Variants in AGBL4 observed in about 807,000 individuals in gnomAD.
The protein encoded by AGBL4 is cytosolic carboxypeptidase 6.
AGBL4 carries 58 observed loss-of-function variants against 66.4 expected under a neutral mutation model. The observed-to-expected ratio is 0.87, with a 90% CI of 0.71 to 1.09. The LOEUF is 1.09. Ranked by LOEUF, AGBL4 falls within the 50% of genes least tolerant of loss-of-function variation. The pLI, the probability that AGBL4 is intolerant of heterozygous loss-of-function variation, is 0.00. For synonymous variants in AGBL4, 234 were observed against 222.9 expected, an observed-to-expected ratio of 1.05 and a Z score of -0.44; for missense variants, 579 against 631.0, an observed-to-expected ratio of 0.92 and a Z score of 0.88.
chr1:49,779,403 C>T (rs1571548828), intron 2 of AGBL4, among the ~76,000 whole-genome samples: 1 of 152,070 alleles, frequency 6.6e-6, no homozygotes, highest in Non-Finnish European at 1.5e-5. Flanking sequence ...AGAACACCAA[C>T]GGTAAGGTGG....
At chr1:49,917,153 G>A (rs1287558805) in intron 1 of AGBL4, among the ~76,000 whole-genome samples, 1 of 152,108 alleles carries the variant, frequency 6.6e-6, no homozygotes, top group Non-Finnish European at 1.5e-5. Context: ...AAACACCATT[G>A]ATGCTAGGAA....
chr1:49,941,274 CCTT>C (rs1218414491), intron 1 of AGBL4, among the ~76,000 whole-genome samples: 1 of 152,158 alleles, frequency 6.6e-6, no homozygotes, highest in African/African-American at 2.4e-5. Flanking sequence ...TAATGCTAAT[CCTT>C]CTCAGTCTTC....
chr1:49,491,187 T>G (rs1208060809), intron 3 of AGBL4, among the ~76,000 whole-genome samples: 2 of 151,798 alleles, frequency 1.3e-5, no homozygotes, highest in African/African-American at 4.8e-5. Context: ...ATTTACTCTG[T>G]TTTACAATCC....
intron 2 of AGBL4, among the ~76,000 whole-genome samples, chr1:49,762,383 T>G (rs1652391532): frequency 6.6e-6 from 1 of 152,006 alleles, no homozygotes; most frequent in Non-Finnish European, 1.5e-5. Flanking sequence ...TTTAGAGAAA[T>G]GTCTATTAAG....
chr1:49,557,841 A>C (rs992797221), intron 3 of AGBL4, among the ~76,000 whole-genome samples: 1 of 151,784 alleles, frequency 6.6e-6, no homozygotes, highest in African/African-American at 2.4e-5. Context: ...CCCTAACCCA[A>C]GGCTGCCGAG....
chr1:49,902,412 T>C (rs962893411), intron 1 of AGBL4, among the ~76,000 whole-genome samples: 1 of 152,172 alleles, frequency 6.6e-6, no homozygotes, highest in African/African-American at 2.4e-5. Flanking sequence ...ACATGCAGCC[T>C]ACAAGCATAT....
Position 49,711,900 on chromosome 1 carries a change from C to A in AGBL4, c.158-14463G>T, listed in dbSNP as rs188863233. Among the ~76,000 whole-genome samples the A allele has an allele frequency of 3.3e-5, 5 of 152,068 alleles. No individual in the cohort carries two copies. In the East Asian group the frequency reaches 9.7e-4, roughly 29 times the overall value. ...TACATACAGGGACTGTAAAGCCAGA[C>A]AACATGAGCTGTAAATCTGTCTCTA... On this transcript the variant is annotated intron_variant, in intron 2 of 13. Transcript: ENST00000371839.
At chr1:49,027,917 C>T (rs1663858633) in intron 5 of AGBL4, among the ~76,000 whole-genome samples, 1 of 152,148 alleles carries the variant, frequency 6.6e-6, no homozygotes, top group African/African-American at 2.4e-5. Flanking sequence ...GCTCATAGAG[C>T]AGGGGTGACA....
chr1:49,390,140 G>A (rs2148590464), intron 3 of AGBL4, among the ~76,000 whole-genome samples: 1 of 152,292 alleles, frequency 6.6e-6, no homozygotes, highest in South Asian at 2.1e-4. Context: ...CAAAGTCACA[G>A]AGCCGTGACT....
chr1:49,369,765 G>A (rs1274034810), intron 3 of AGBL4, among the ~76,000 whole-genome samples: 1 of 152,032 alleles, frequency 6.6e-6, no homozygotes, highest in Non-Finnish European at 1.5e-5. Context: ...CAGAGTTCAC[G>A]GCTGGGAATA....
At chr1:49,184,805 C>A (rs1309917568) in intron 4 of AGBL4, among the ~76,000 whole-genome samples, 1 of 152,154 alleles carries the variant, frequency 6.6e-6, no homozygotes, top group African/African-American at 2.4e-5. Context: ...TTGCCACTTA[C>A]TAAGTGTGTG....
chr1:49,563,930 ATCTGG>A (rs1644123261), intron 3 of AGBL4, among the ~76,000 whole-genome samples: 1 of 152,134 alleles, frequency 6.6e-6, no homozygotes, highest in African/African-American at 2.4e-5. Flanking sequence ...CTGTGAATCC[ATCTGG>A]TCCTGGACTT....
intron 3 of AGBL4, among the ~76,000 whole-genome samples, chr1:49,668,869 A>T (rs960276095): frequency 4.6e-5 from 7 of 152,136 alleles, no homozygotes. Flanking sequence ...TTAGACACAG[A>T]TATTTTTAGA....
chr1:48,640,614 G>C (rs909994080), intron 8 of AGBL4, among the ~76,000 whole-genome samples: 2 of 152,158 alleles, frequency 1.3e-5, no homozygotes, highest in Admixed American at 6.5e-5. Context: ...TTCATCTTGA[G>C]AGGGTCACTT....
chr1:49,529,827 G>C (rs1332397763), intron 3 of AGBL4, among the ~76,000 whole-genome samples: 1 of 152,050 alleles, frequency 6.6e-6, no homozygotes, highest in Non-Finnish European at 1.5e-5. Flanking sequence ...AAGGGCTAGA[G>C]ATAAATGTTC....
intron 6 of AGBL4, among the ~76,000 whole-genome samples, chr1:48,742,464 A>C (rs977263831): frequency 6.6e-6 from 1 of 152,242 alleles, no homozygotes; most frequent in Non-Finnish European, 1.5e-5. Flanking sequence ...CAGCAAAGCT[A>C]CGCTACTGAT....
At chr1:49,284,165 G>A (rs1168429267) in intron 3 of AGBL4, among the ~76,000 whole-genome samples, 1 of 152,204 alleles carries the variant, frequency 6.6e-6, no homozygotes, top group African/African-American at 2.4e-5. Flanking sequence ...ACTAACAGCA[G>A]CGGATCTCTC....
intron 1 of AGBL4, among the ~76,000 whole-genome samples, chr1:49,964,538 C>G (rs1167292514): frequency 1.3e-5 from 2 of 152,034 alleles, no homozygotes; most frequent in Non-Finnish European, 2.9e-5. Flanking sequence ...TCATTGATGT[C>G]AGGATTGTAC....
At chr1:48,857,925 C>A (rs1647217859) in intron 6 of AGBL4, among the ~76,000 whole-genome samples, 1 of 152,034 alleles carries the variant, frequency 6.6e-6, no homozygotes, top group African/African-American at 2.4e-5. Context: ...AATCATACAT[C>A]TGATAAAATA....
Sources: allele counts gnomAD v4.1 joint callset (sites outside exome capture counted in the v4.1 genomes callset), GRCh38; gene constraint gnomAD v4.1.1; transcripts MANE v1.5; gene names NCBI Gene and HGNC (gene_info 2026-07-23, HGNC 2026-07-21).